Variants in RAPGEF2 observed in about 807,000 individuals in gnomAD.
RAPGEF2 encodes PDZ domain containing guanine nucleotide exchange factor (GEF) 1.
RAPGEF2 carries 54 observed loss-of-function variants against 186.7 expected under a neutral mutation model. That is an observed-to-expected ratio of 0.29 (90% CI 0.23 to 0.36). The LOEUF is 0.36. RAPGEF2 is among the 10% of genes least tolerant of loss of function. The pLI is 1.00. For synonymous variants in RAPGEF2, 712 were observed against 705.9 expected, an observed-to-expected ratio of 1.01 and a Z score of -0.14; for missense variants, 1,532 against 2,045.0, an observed-to-expected ratio of 0.75 and a Z score of 4.84.
chr4:159,199,050 C>T (rs917037032), intron 3 of RAPGEF2, among the ~76,000 whole-genome samples: 1 of 138,430 alleles, frequency 7.2e-6, no homozygotes, highest in Admixed American at 7.3e-5. Context: ...CAACTGAGAC[C>T]CTGTCTCAAA....
intron 7 of RAPGEF2, among the ~76,000 whole-genome samples, chr4:159,286,481 T>G (rs1760515750): frequency 6.6e-6 from 1 of 152,176 alleles, no homozygotes; most frequent in Non-Finnish European, 1.5e-5. Flanking sequence ...ACTTATAAAA[T>G]GTAGATCAAA....
chr4:159,260,777 T>C (rs1445415751), intron 7 of RAPGEF2, among the ~76,000 whole-genome samples: 1 of 152,178 alleles, frequency 6.6e-6, no homozygotes, highest in Non-Finnish European at 1.5e-5. Context: ...AGACGGAGTT[T>C]CACTCTTGTT....
intron 1 of RAPGEF2, among the ~76,000 whole-genome samples, chr4:159,152,102 G>A (rs1293696654): frequency 6.6e-6 from 1 of 152,142 alleles, no homozygotes; most frequent in Non-Finnish European, 1.5e-5. Context: ...CAGGCATACT[G>A]CTTGAGCTCA....
chr4:159,219,620 G>T (rs2111398872), intron 4 of RAPGEF2, among the ~76,000 whole-genome samples: 1 of 152,266 alleles, frequency 6.6e-6, no homozygotes, highest in South Asian at 2.1e-4. Context: ...CTCCCAAAGT[G>T]CTGGGATTAC....
chr4:159,314,585 C>G lies in RAPGEF2; in HGVS notation c.676-6C>G. 1.2e-6 allele frequency: 2 copies of G among 1,604,226 alleles called. No individual in the cohort carries two copies. The highest frequency in any genetic ancestry group is 1.1e-5 in the South Asian group (1 of 89,214). ...TAGTTTTTAATTTTTGTGTGTGTGT[C>G]TTAAGGCCACAGAAAGCGAGGCTGG... On this transcript the variant is annotated splice_region_variant and splice_polypyrimidine_tract_variant and intron_variant, in intron 8 of 29. Transcript: ENST00000691494.
At position 159,343,356 on chromosome 4, in the gene RAPGEF2, G is replaced by T. The variant is rs1403763052; in HGVS notation, c.3206G>T (p.Gly1069Val). 1 of 1,613,932 alleles carries T rather than the reference G, an allele frequency of 6.2e-7. No homozygotes were observed. Among genetic ancestry groups the T allele is most frequent in the Non-Finnish European group, 8.5e-7 (1 of 1,179,950 alleles). Residue 1069 changes from glycine to valine, a missense_variant, in exon 22 of 30, where the codon GGC becomes GTC. Transcript: ENST00000691494. Reference protein sequence around the residue: ...RMIAKEIRHVGRMASVNMDPA... With the variant: ...RMIAKEIRHVVRMASVNMDPA... ...ATTGCAAAAGAAATTCGTCACGTTG[G>T]CCGAATGGCTTCAGTGAACATGGAC...
At chr4:159,183,487 TG>T (rs1747230252) in intron 1 of RAPGEF2, among the ~76,000 whole-genome samples, 1 of 152,208 alleles carries the variant, frequency 6.6e-6, no homozygotes. Flanking sequence ...AGTAAATCAT[TG>T]GGATCTTGGA....
rs1749333474 is a variant in RAPGEF2 at position 159,200,899 on chromosome 4, G to A, written c.197+7643G>A. 2.0e-5 allele frequency among the ~76,000 whole-genome samples: 3 copies of A among 152,006 alleles called. No individual in the cohort carries two copies. The South Asian group carries it at 6.2e-4, about 32-fold the overall frequency. On this transcript the variant is annotated intron_variant, in intron 3 of 29. Coordinates refer to ENST00000691494, the MANE Select transcript of RAPGEF2 (RefSeq NM_001394067.2). ...TTATTGTGGGAATTTATATATAATT[G>A]ATATATTTACATATAACTCAGTATT...
At chr4:159,294,489 A>G (rs1168461062) in intron 7 of RAPGEF2, among the ~76,000 whole-genome samples, 1 of 152,204 alleles carries the variant, frequency 6.6e-6, no homozygotes, top group Non-Finnish European at 1.5e-5. Context: ...TAGTAATTGT[A>G]GAATATTACC....
chr4:159,211,491 T>C (rs1033716936), intron 4 of RAPGEF2, among the ~76,000 whole-genome samples: 8 of 152,260 alleles, frequency 5.3e-5, no homozygotes, highest in Non-Finnish European at 1.2e-4. Flanking sequence ...GTCACTTAGC[T>C]CTTCTATAAA....
Position 159,318,229 on chromosome 4 carries a change from A to G in RAPGEF2, c.853+3461A>G, listed in dbSNP as rs145517550. Among the ~76,000 whole-genome samples, 1,337 of 152,318 alleles carry G rather than the reference A, an allele frequency of 8.8e-3. 15 individuals carry two copies. Among genetic ancestry groups the G allele is most frequent in the African/African-American group, 0.029 (1,186 of 41,568 alleles). ...AGTCCTAAAGGGTGTTGTTTGTTCT[A>G]TGTAAGACCTTGAAAGATTTTGTAT... On this transcript the variant is annotated intron_variant, in intron 9 of 29. Coordinates refer to ENST00000691494, the MANE Select transcript of RAPGEF2 (RefSeq NM_001394067.2).
At chr4:159,231,810 C>T (rs1192587279) in intron 4 of RAPGEF2, among the ~76,000 whole-genome samples, 1 of 152,092 alleles carries the variant, frequency 6.6e-6, no homozygotes, top group East Asian at 1.9e-4. Flanking sequence ...AAAATCAAAG[C>T]ACTTCTGATG....
intron 1 of RAPGEF2, among the ~76,000 whole-genome samples, chr4:159,104,506 G>C (rs1236272211): frequency 7.8e-6 from 1 of 127,442 alleles, no homozygotes; most frequent in East Asian, 2.2e-4. Flanking sequence ...GAGAGAGAGA[G>C]AGAGAGAGAG....
chr4:159,304,485 T>G lies in RAPGEF2; in HGVS notation c.675+12T>G, dbSNP rs1487520211. 2 of 1,591,102 alleles carry G rather than the reference T, an allele frequency of 1.3e-6. No homozygotes were observed. Among genetic ancestry groups the G allele is most frequent in the Admixed American group, 3.4e-5 (2 of 58,626 alleles). ...CTGATATCTACCAGGTAAGAGGATG[T>G]TTTCCTTGTCATTTGCTTCATTTTC... On this transcript the variant is annotated intron_variant, in intron 8 of 29. Transcript: ENST00000691494.
chr4:159,226,895 A>G (rs766107349), intron 4 of RAPGEF2, among the ~76,000 whole-genome samples: 1 of 152,210 alleles, frequency 6.6e-6, no homozygotes, highest in Non-Finnish European at 1.5e-5. Context: ...CAGATGAATT[A>G]AATCAATTGC....
chr4:159,342,921 A>T (rs1729760723), intron 20 of RAPGEF2, 58 bp from the exon 21 acceptor site: 2 of 1,436,502 alleles, frequency 1.4e-6, no homozygotes, highest in African/African-American at 1.4e-5. Flanking sequence ...ATGTCAATAA[A>T]TAATCTGTAC....
chr4:159,260,894 A>C (rs1291909951), intron 7 of RAPGEF2, among the ~76,000 whole-genome samples: 4 of 152,082 alleles, frequency 2.6e-5, no homozygotes, highest in Admixed American at 6.5e-5. Flanking sequence ...GATTACAGGC[A>C]TGCGCCACCA....
At chr4:159,108,043 G>A (rs1738070506) in intron 1 of RAPGEF2, among the ~76,000 whole-genome samples, 1 of 152,076 alleles carries the variant, frequency 6.6e-6, no homozygotes, top group African/African-American at 2.4e-5. Flanking sequence ...GAAATGATTG[G>A]CCACAAGCAG....
chr4:159,326,093 A>G (rs936438283), intron 11 of RAPGEF2, among the ~76,000 whole-genome samples: 2 of 152,196 alleles, frequency 1.3e-5, no homozygotes, highest in Admixed American at 6.5e-5. Flanking sequence ...TTGTACTTCC[A>G]TTGACTCATC....
Sources: gnomAD v4.1 joint callset for allele counts (sites outside exome capture counted in the v4.1 genomes callset) on GRCh38, gnomAD v4.1.1 for gene constraint, MANE v1.5 for transcripts, NCBI Gene and HGNC (gene_info 2026-07-23, HGNC 2026-07-21) for gene names.